GPC6: variants seen among roughly 807,000 people sequenced by gnomAD.
GPC6 encodes the protein glypican-6.
GPC6 carries 14 observed loss-of-function variants against 55.2 expected under a neutral mutation model. The observed-to-expected ratio is 0.25, with a 90% CI of 0.17 to 0.40. The LOEUF is 0.40. GPC6 is among the 10% of genes least tolerant of loss of function. The probability of loss-of-function intolerance (pLI) is 1.00; values close to 1 mark genes in which losing one functional copy is unlikely to be tolerated. For missense variants in GPC6, 641 were observed against 708.5 expected, an observed-to-expected ratio of 0.90 and a Z score of 1.08; for synonymous variants, 278 against 259.6, an observed-to-expected ratio of 1.07 and a Z score of -0.68.
chr13:93,963,748 G>A (rs1279748725), intron 3 of GPC6, among the ~76,000 whole-genome samples: 1 of 152,142 alleles, frequency 6.6e-6, no homozygotes, highest in African/African-American at 2.4e-5. Flanking sequence ...TACACAATAC[G>A]TGAAAATAAG....
At chr13:93,518,591 A>G (rs2590535) in intron 1 of GPC6, among the ~76,000 whole-genome samples, 143,246 of 151,978 alleles carry the variant, frequency 0.94, 68,077 homozygotes, top group East Asian at 1. Context: ...CTTAGTAAAC[A>G]TCAAGTTTTC....
chr13:93,425,166 G>A lies in GPC6; in HGVS notation c.161-120097G>A, dbSNP rs971455074. Among the ~76,000 whole-genome samples, 7 of 152,282 alleles carry A rather than the reference G, an allele frequency of 4.6e-5. No individual in the cohort carries two copies. In the East Asian group the frequency reaches 5.8e-4, roughly 13 times the overall value. On this transcript the variant is annotated intron_variant, in intron 1 of 8. Transcript: ENST00000377047. ...AATTAATGCAAAATTCGTGATGAAT[G>A]AATTACAAAAGTTTTAAGTAGAGAC...
rs548730793 is a variant in GPC6 at position 93,526,498 on chromosome 13, C to T, written c.161-18765C>T. 2.6e-5 allele frequency among the ~76,000 whole-genome samples: 4 copies of T among 152,196 alleles called. No homozygotes were observed. In the South Asian group the frequency reaches 8.3e-4, roughly 32 times the overall value. ...TATTATAAATTGGGTTAAATGCTAT[C>T]AATATCTTCCTTGTGTACTATTAAT... On this transcript the variant is annotated intron_variant, in intron 1 of 8. Coordinates refer to ENST00000377047, the MANE Select transcript of GPC6 (RefSeq NM_005708.5).
At chr13:93,217,454 G>C in the GPC6 span, among the ~76,000 whole-genome samples, 2 of 152,140 alleles carry the variant, frequency 1.3e-5, no homozygotes. Flanking sequence ...ATGTTTTCGA[G>C]TGTAAAAGTA....
chr13:94,301,635 T>C (rs971769541), intron 5 of GPC6, among the ~76,000 whole-genome samples: 1 of 152,224 alleles, frequency 6.6e-6, no homozygotes, highest in Non-Finnish European at 1.5e-5. Context: ...TAAATAATAT[T>C]GTTATTCCCA....
chr13:94,160,961 G>A (rs9584193), intron 4 of GPC6, among the ~76,000 whole-genome samples: 2,870 of 152,124 alleles, frequency 0.019, 104 homozygotes, highest in African/African-American at 0.065. Flanking sequence ...GTGATAAATC[G>A]TATTTCATTA....
chr13:93,299,758 T>C (rs1043455774), intron 1 of GPC6, among the ~76,000 whole-genome samples: 10 of 152,252 alleles, frequency 6.6e-5, no homozygotes, highest in African/African-American at 2.4e-4. Context: ...TTATTTCTGG[T>C]GCAGTTACTC....
chr13:93,768,231 G>A (rs138109551), intron 2 of GPC6, among the ~76,000 whole-genome samples: 2 of 152,276 alleles, frequency 1.3e-5, no homozygotes, highest in Non-Finnish European at 1.5e-5. Context: ...GGATGGCACT[G>A]CTTTTCCCAC....
intron 3 of GPC6, among the ~76,000 whole-genome samples, chr13:93,852,297 A>G (rs1231922916): frequency 6.6e-6 from 1 of 151,704 alleles, no homozygotes; most frequent in African/African-American, 2.4e-5. Context: ...GGAAACGCAT[A>G]CTTTGTAAAC....
chr13:93,832,975 G>T (rs1053456125), intron 3 of GPC6, among the ~76,000 whole-genome samples: 1 of 152,036 alleles, frequency 6.6e-6, no homozygotes, highest in African/African-American at 2.4e-5. Flanking sequence ...TGTTTGACCT[G>T]AGTTTCATCA....
At chr13:94,009,067 TATTG>T (rs1254229132) in intron 3 of GPC6, among the ~76,000 whole-genome samples, 1 of 152,214 alleles carries the variant, frequency 6.6e-6, no homozygotes, top group Admixed American at 6.6e-5. Context: ...TTATTATTGA[TATTG>T]ATCAAAACTA....
chr13:93,616,832 T>C (rs555777889), intron 2 of GPC6, among the ~76,000 whole-genome samples: 1 of 151,992 alleles, frequency 6.6e-6, no homozygotes, highest in African/African-American at 2.4e-5. Context: ...GACGTGCTCC[T>C]TTTTTTTGAA....
At chr13:93,555,337 C>G (rs1875401755) in intron 2 of GPC6, among the ~76,000 whole-genome samples, 1 of 152,132 alleles carries the variant, frequency 6.6e-6, no homozygotes, top group African/African-American at 2.4e-5. Context: ...GAGATTAGGT[C>G]TCCTCTTTCT....
In GPC6 at chr13:93,576,507, T is replaced by C. The variant is rs1300155627; in HGVS notation, c.319+31086T>C. On this transcript the variant is annotated intron_variant, in intron 2 of 8. Transcript: ENST00000377047. ...TGTGTACTCTGGTGATATCTTCCTA[T>C]GACACAGGTTTTTTAATATTTTTAT... Among the ~76,000 whole-genome samples, 3 of 152,154 alleles carry C rather than the reference T, an allele frequency of 2.0e-5. No individual in the cohort carries two copies. The South Asian group carries it at 6.2e-4, about 32-fold the overall frequency.
At chr13:94,200,254 G>A (rs1042057511) in intron 4 of GPC6, among the ~76,000 whole-genome samples, 22 of 152,062 alleles carry the variant, frequency 1.4e-4, no homozygotes, top group East Asian at 3.9e-4. Context: ...GAGCTAAAGC[G>A]TTGGAAAAGA....
intron 7 of GPC6, among the ~76,000 whole-genome samples, chr13:94,386,812 C>A (rs9589989): frequency 6.6e-6 from 1 of 152,020 alleles, no homozygotes; most frequent in Admixed American, 6.6e-5. Context: ...TGTTTGTACC[C>A]GCTCCTGCAG....
intron 2 of GPC6, among the ~76,000 whole-genome samples, chr13:93,738,999 T>C (rs927738217): frequency 2.6e-5 from 4 of 151,448 alleles, no homozygotes; most frequent in Non-Finnish European, 4.4e-5. Flanking sequence ...TCAATGGTTT[T>C]CAGTAAAGAT....
chr13:93,809,110 G>A (rs915293750), intron 2 of GPC6, among the ~76,000 whole-genome samples: 3 of 152,124 alleles, frequency 2.0e-5, no homozygotes, highest in African/African-American at 4.8e-5. Context: ...TAGATCCTGC[G>A]ACTCTGAAAA....
chr13:93,335,141 G>A (rs1282582363), intron 1 of GPC6, among the ~76,000 whole-genome samples: 1 of 152,072 alleles, frequency 6.6e-6, no homozygotes, highest in Non-Finnish European at 1.5e-5. Context: ...TATTTAGAAG[G>A]CAGGTGTCTC....
Sources: allele counts gnomAD v4.1 joint callset (sites outside exome capture counted in the v4.1 genomes callset), GRCh38; gene constraint gnomAD v4.1.1; transcripts MANE v1.5; gene names NCBI Gene and HGNC (gene_info 2026-07-23, HGNC 2026-07-21).